HEATR1: variants seen among roughly 807,000 people sequenced by gnomAD.
HEATR1 encodes the protein HEAT repeat-containing protein 1.
Under a neutral mutation model 248.2 loss-of-function variants are expected in HEATR1, and 77 were observed. The observed-to-expected ratio is 0.31, with a 90% confidence interval of 0.26 to 0.37. The LOEUF (loss-of-function observed/expected upper bound fraction) is 0.37. Ranked by LOEUF, HEATR1 falls within the 10% of genes least tolerant of loss-of-function variation. The pLI is 1.00. For missense variants in HEATR1, 2,420 were observed against 2,504.9 expected, an observed-to-expected ratio of 0.97 and a Z score of 0.72; for synonymous variants, 897 against 923.1, an observed-to-expected ratio of 0.97 and a Z score of 0.51.
intron 24 of HEATR1, 145 bp downstream of exon 24, chr1:236,574,056 TC>T: frequency 1.7e-6 from 1 of 587,814 alleles, no homozygotes; most frequent in Non-Finnish European, 2.8e-6. Flanking sequence ...TTTATGCCTC[TC>T]TCTGACTTAC....
In HEATR1 at chr1:236,582,867, T is replaced by C. The variant is rs749461466; in HGVS notation, c.2431A>G (p.Ile811Val). Residue 811 changes from isoleucine (I) to valine (V), a missense_variant, in exon 19 of 45, where the codon ATA (isoleucine) becomes GTA (valine). Physicochemically the swap from Ile to Val is conservative, Grantham distance 29 (BLOSUM62 3). Transcript: ENST00000366582. ...TTCAGTTGTTCAGGATTCCACCATATATCACCTACAAGGACATGGAAAGAG... is the reference window on the plus strand; with the variant it reads ...TTCAGTTGTTCAGGATTCCACCATACATCACCTACAAGGACATGGAAAGAG... The part of the protein sequence containing the change: ...KAPKSFPKGD[I>V]WWNPEQLKED... The C allele has an allele frequency of 5.6e-6, 9 of 1,614,080 alleles. No homozygotes were observed. The highest frequency in any genetic ancestry group is 1.1e-5 in the South Asian group (1 of 91,084).
chr1:236,573,893 G>C (rs1385092671), intron 24 of HEATR1: 1 of 184,450 alleles, frequency 5.4e-6, no homozygotes, highest in East Asian at 1.4e-4. Context: ...CTGAGCCATT[G>C]ACTCATTCCT....
intron 3 of HEATR1, 58 bp downstream of exon 3, chr1:236,603,102 A>T: frequency 7.4e-7 from 1 of 1,350,252 alleles, no homozygotes; most frequent in Non-Finnish European, 1.1e-6. Flanking sequence ...CAACTACTTA[A>T]TTTTTTACAA....
intron 33 of HEATR1, among the ~76,000 whole-genome samples, chr1:236,560,882 G>A (rs1663113369): frequency 6.6e-6 from 1 of 152,144 alleles, no homozygotes; most frequent in Non-Finnish European, 1.5e-5. Flanking sequence ...AAACACATGC[G>A]GTGTAAAGGA....
intron 3 of HEATR1, among the ~76,000 whole-genome samples, chr1:236,600,899 C>A (rs1664305285): frequency 1.3e-5 from 2 of 152,280 alleles, no homozygotes; most frequent in South Asian, 4.1e-4. Flanking sequence ...CTATTCCAGG[C>A]AGAACTATAT....
intron 4 of HEATR1, among the ~76,000 whole-genome samples, chr1:236,598,526 T>C (rs770986267): frequency 2.6e-5 from 4 of 152,118 alleles, no homozygotes; most frequent in Non-Finnish European, 5.9e-5. Context: ...AGCAGCAAGA[T>C]CCAAGGTAGA....
Position 236,557,223 on chromosome 1 carries a change from CTGA to C in HEATR1, c.5324_5326del (p.Ile1775del). 1 of 1,614,116 alleles carries C rather than the reference CTGA, an allele frequency of 6.2e-7. No individual in the cohort carries two copies. Among genetic ancestry groups the C allele is most frequent in the Non-Finnish European group, 8.5e-7 (1 of 1,179,972 alleles). On this transcript the variant is annotated inframe_deletion, in exon 37 of 45. Transcript: ENST00000366582. ...GGAGAGAATGCCTTCCAGATAGGGG[CTGA>C]TGAAGTGCGGGAGAGTCTCCACAAC...
Position 236,595,623 on chromosome 1 carries a change from C to T in HEATR1, c.1007G>A (p.Gly336Glu), listed in dbSNP as rs148138589. 2.1e-4 allele frequency: 331 copies of T among 1,610,878 alleles called. No individual in the cohort carries two copies. The African/African-American group carries it at 2.1e-3, about 10-fold the overall frequency. Residue 336 changes from glycine to glutamate, a missense_variant, in exon 8 of 45, where the codon GGG (glycine) becomes GAG (glutamate). By Grantham distance (98) the Gly-to-Glu change is moderately conservative. Coordinates refer to ENST00000366582, the MANE Select transcript of HEATR1 (RefSeq NM_018072.6). Reference protein sequence around the residue: ...NVPDLITILHGISETYDVSPL... With the variant: ...NVPDLITILHEISETYDVSPL... The stretch of plus-strand genomic sequence containing the variant: ...ACTGACATCGTAAGTTTCAGAAATC[C>T]CATGAAGTATTGTAATAAGATCAGG...
At position 236,559,013 on chromosome 1, in the gene HEATR1, T is replaced by C; in HGVS notation, c.4893A>G (p.Ile1631Met). The C allele has an allele frequency of 6.2e-7, 1 of 1,609,608 alleles. No individual in the cohort carries two copies. The highest frequency in any genetic ancestry group is 1.7e-4 in the Middle Eastern group (1 of 6,040). The change falls in exon 35 of 45, where the codon ATA becomes ATG. Residue 1631 changes from isoleucine to methionine, a missense_variant. By Grantham distance (10) the Ile-to-Met change is conservative. Coordinates refer to ENST00000366582, the MANE Select transcript of HEATR1 (RefSeq NM_018072.6). ...CACTCACTATTGTCTTCTTCCAGGA[T>C]ATATTTTGCTGCAGCTTGTTATTCA... is the stretch of plus-strand genomic sequence containing the variant. Reference protein sequence around the residue: ...DLLNNKLQQNISWKKTIVTRF... With the variant: ...DLLNNKLQQNMSWKKTIVTRF...
At position 236,549,249 on chromosome 1, in the gene HEATR1, A is replaced by C. The variant is rs1384800643; in HGVS notation, c.*1653T>G. The C allele has an allele frequency of 1.2e-5, 4 of 346,728 alleles. No individual in the cohort carries two copies. The East Asian group carries it at 1.7e-4, about 15-fold the overall frequency. The allele number at this position is 346,728 out of a possible 1,614,324, so 21.5% of individuals were successfully genotyped here. On this transcript the variant is annotated 3_prime_UTR_variant, in exon 45 of 45. Coordinates refer to ENST00000366582, the MANE Select transcript of HEATR1 (RefSeq NM_018072.6). ...CTTCCACTTTACGTGATTAAAATCA[A>C]ACCTGTATCAGCAAGTTAAATGGTT...
chr1:236,567,063 C>T (rs2564743), intron 29 of HEATR1, among the ~76,000 whole-genome samples, 187 bp from the exon 30 acceptor site: 81,361 of 151,936 alleles, frequency 0.54, 23,860 homozygotes, highest in Non-Finnish European at 0.66. Context: ...CATATCTCAC[C>T]GCAGCCTGGA....
intron 3 of HEATR1, among the ~76,000 whole-genome samples, chr1:236,602,520 T>G (rs1664353003): frequency 6.6e-6 from 1 of 152,228 alleles, no homozygotes; most frequent in South Asian, 2.1e-4. Flanking sequence ...AGGATAACAT[T>G]GCCTGCTTCC....
chr1:236,568,032 C>T (rs888217639), intron 29 of HEATR1, among the ~76,000 whole-genome samples: 1 of 152,222 alleles, frequency 6.6e-6, no homozygotes, highest in African/African-American at 2.4e-5. Flanking sequence ...CCTGTCTCAA[C>T]CCTCTGCTCT....
intron 35 of HEATR1, 23 bp downstream of exon 35, chr1:236,558,972 G>A (rs779838470): frequency 8.3e-6 from 13 of 1,564,136 alleles, no homozygotes; most frequent in African/African-American, 1.4e-5. Flanking sequence ...CAGTAAATGG[G>A]TGTGTCCTGG....
intron 8 of HEATR1, 22 bp downstream of exon 8, chr1:236,595,517 AC>A: frequency 6.3e-7 from 1 of 1,582,672 alleles, no homozygotes; most frequent in Non-Finnish European, 8.6e-7. Flanking sequence ...AAATTTCTGG[AC>A]AAAAAATATA....
Position 236,555,942 on chromosome 1 carries a change from A to T in HEATR1, c.5515-3T>A. ...CTCATAAACGGACCCATGTGATTCT[A>T]CCAATAACACAGGAAAGAGATGTGC... On this transcript the variant is annotated splice_region_variant and splice_polypyrimidine_tract_variant and intron_variant, in intron 38 of 44. Transcript: ENST00000366582. 1 of 1,613,620 alleles carries T rather than the reference A, an allele frequency of 6.2e-7. No homozygotes were observed. Among genetic ancestry groups the T allele is most frequent in the Non-Finnish European group, 8.5e-7 (1 of 1,179,448 alleles).
rs777699259 is a variant in HEATR1, at chr1:236,588,016, C to T, written c.1558G>A (p.Glu520Lys). Residue 520 changes from glutamate to lysine, a missense_variant, in exon 13 of 45, where the codon GAA becomes AAA. Coordinates refer to ENST00000366582, the MANE Select transcript of HEATR1 (RefSeq NM_018072.6). ...TCACCTAATCGGGCTAAAACAGCTTCTTTTATGAAAGATTCATCAACACCC... is the reference window on the plus strand; with the variant it reads ...TCACCTAATCGGGCTAAAACAGCTTTTTTTATGAAAGATTCATCAACACCC... ...KEGVDESFIK[E>K]AVLARLGDDN... The T allele has an allele frequency of 6.2e-7, 1 of 1,612,130 alleles. No individual in the cohort carries two copies. The highest frequency in any genetic ancestry group is 8.5e-7 in the Non-Finnish European group (1 of 1,179,084).
intron 32 of HEATR1, 28 bp from the exon 33 acceptor site, chr1:236,561,299 A>G (rs992268712): frequency 2.5e-6 from 4 of 1,577,782 alleles, no homozygotes; most frequent in Non-Finnish European, 3.5e-6. Flanking sequence ...CGTCATTAGA[A>G]CGGTAGGGAA....
At chr1:236,554,807 T>G in intron 41 of HEATR1, 55 bp from the exon 42 acceptor site, 1 of 1,430,702 alleles carries the variant, frequency 7.0e-7, no homozygotes, top group Non-Finnish European at 9.6e-7. Context: ...CCATTTAATC[T>G]CCAATGTTTA....
Sources: allele counts gnomAD v4.1 joint callset (sites outside exome capture counted in the v4.1 genomes callset), GRCh38; gene constraint gnomAD v4.1.1; transcripts MANE v1.5; gene names NCBI Gene and HGNC (gene_info 2026-07-23, HGNC 2026-07-21).